Variants in ADAMTSL3 observed in about 807,000 individuals in gnomAD.
The protein encoded by ADAMTSL3 is ADAMTS-like protein 3.
Under a neutral mutation model 201.7 loss-of-function variants are expected in ADAMTSL3, and 128 were observed. The observed-to-expected ratio is 0.63, with a 90% CI of 0.55 to 0.73. ADAMTSL3 has a LOEUF of 0.73. Among genes scored for constraint, ADAMTSL3 ranks in the 30% least tolerant of loss-of-function variants. The pLI, the probability that ADAMTSL3 is intolerant of heterozygous loss-of-function variation, is 0.00. For missense variants in ADAMTSL3, 1,990 were observed against 2,119.6 expected (o/e 0.94, Z 1.20); for synonymous variants, 738 against 748.4 (o/e 0.99, Z 0.23).
chr15:83,868,801 C>T (rs973992101), intron 8 of ADAMTSL3, among the ~76,000 whole-genome samples: 2 of 152,076 alleles, frequency 1.3e-5, no homozygotes, highest in African/African-American at 4.8e-5. Context: ...TTTTTATATC[C>T]ATGTCACTGA....
At chr15:83,675,884 GT>G (rs1181842476) in intron 2 of ADAMTSL3, among the ~76,000 whole-genome samples, 1 of 151,956 alleles carries the variant, frequency 6.6e-6, no homozygotes, top group Non-Finnish European at 1.5e-5. Context: ...GTGTAGAATT[GT>G]TTGTTGCATT....
At chr15:83,706,098 C>T (rs1390164624) in intron 3 of ADAMTSL3, among the ~76,000 whole-genome samples, 1 of 152,088 alleles carries the variant, frequency 6.6e-6, no homozygotes, top group Admixed American at 6.5e-5. Context: ...TAATTTATAG[C>T]TCCTTTTAAT....
chr15:83,757,234 G>A (rs949781965), intron 3 of ADAMTSL3, among the ~76,000 whole-genome samples: 1 of 152,202 alleles, frequency 6.6e-6, no homozygotes, highest in Non-Finnish European at 1.5e-5. Flanking sequence ...ATGAGGGCTT[G>A]CCCCTGCTGC....
At position 83,714,663 on chromosome 15, in the gene ADAMTSL3, TCCTC is replaced by T. The variant is rs552621265; in HGVS notation, c.189+10175_189+10178del. Among the ~76,000 whole-genome samples, 840 of 148,318 alleles carry T rather than the reference TCCTC, an allele frequency of 5.7e-3. 6 individuals carry two copies. Among genetic ancestry groups the T allele is most frequent in the Middle Eastern group, 0.01 (3 of 286 alleles). ...CTTTCCTTTCTTTCTCTCTCTCCCT[TCCTC>T]CCTCCCTCCCTCCCTCCCTTCCTCC... On this transcript the variant is annotated intron_variant, in intron 3 of 29. Coordinates refer to ENST00000286744, the MANE Select transcript of ADAMTSL3 (RefSeq NM_207517.3).
chr15:83,774,970 C>T (rs796442188), intron 4 of ADAMTSL3, among the ~76,000 whole-genome samples: 10 of 152,060 alleles, frequency 6.6e-5, no homozygotes, highest in African/African-American at 2.2e-4. Context: ...CCTCAGCCTC[C>T]CAAGTAGCTG....
chr15:83,741,570 G>A lies in ADAMTSL3; in HGVS notation c.190-31953G>A, dbSNP rs559387648. Among the ~76,000 whole-genome samples, 7 of 152,264 alleles carry A rather than the reference G, an allele frequency of 4.6e-5. No individual in the cohort carries two copies. In the South Asian group the frequency reaches 1.4e-3, roughly 32 times the overall value. The stretch of plus-strand genomic sequence containing the variant: ...AGACATGTGAAATTATAAGAAATAA[G>A]TGGTATTAAGACTGTAAAGGAGGAT... On this transcript the variant is annotated intron_variant, in intron 3 of 29. Coordinates refer to ENST00000286744, the MANE Select transcript of ADAMTSL3 (RefSeq NM_207517.3).
chr15:83,786,047 G>C (rs1339709007), intron 4 of ADAMTSL3, among the ~76,000 whole-genome samples: 3 of 152,012 alleles, frequency 2.0e-5, no homozygotes, highest in African/African-American at 7.2e-5. Context: ...TCACCATGTT[G>C]GCCAGGTTGG....
At chr15:83,792,791 C>CAAAA (rs71156100) in intron 4 of ADAMTSL3, among the ~76,000 whole-genome samples, 1 of 122,442 alleles carries the variant, frequency 8.2e-6, no homozygotes. Flanking sequence ...GACTCTGTCT[C>CAAAA]AAAAAAAAAA....
intron 3 of ADAMTSL3, among the ~76,000 whole-genome samples, chr15:83,714,026 T>C (rs2061966752): frequency 6.6e-6 from 1 of 152,198 alleles, no homozygotes; most frequent in African/African-American, 2.4e-5. Context: ...GGCACTGACA[T>C]ATGGATACCT....
chr15:83,696,570 A>G (rs1244229176), intron 2 of ADAMTSL3, among the ~76,000 whole-genome samples: 2 of 152,220 alleles, frequency 1.3e-5, no homozygotes, highest in African/African-American at 4.8e-5. Flanking sequence ...TCCATCTAGC[A>G]TCTTACCTTC....
At chr15:83,887,427 A>T (rs2065417682) in intron 10 of ADAMTSL3, among the ~76,000 whole-genome samples, 1 of 152,232 alleles carries the variant, frequency 6.6e-6, no homozygotes, top group South Asian at 2.1e-4. Flanking sequence ...AGTGAAAACA[A>T]ACCAGTGGAG....
chr15:83,779,816 G>A (rs539470741), intron 4 of ADAMTSL3, among the ~76,000 whole-genome samples: 1 of 151,932 alleles, frequency 6.6e-6, no homozygotes, highest in Admixed American at 6.6e-5. Flanking sequence ...TGAATAACTT[G>A]CTTCTGAATG....
chr15:83,885,354 C>CA (rs2065366139), intron 10 of ADAMTSL3, 142 bp downstream of exon 10: 6 of 667,844 alleles, frequency 9.0e-6, no homozygotes, highest in South Asian at 1.8e-5. Flanking sequence ...AGCCTGAATG[C>CA]AATCGTGTTA....
At chr15:83,787,784 C>G (rs2063288049) in intron 4 of ADAMTSL3, among the ~76,000 whole-genome samples, 1 of 152,072 alleles carries the variant, frequency 6.6e-6, no homozygotes, top group Non-Finnish European at 1.5e-5. Flanking sequence ...AACAATTTTT[C>G]ACACCTCCTG....
At chr15:83,847,642 C>T (rs755255591) in intron 7 of ADAMTSL3, among the ~76,000 whole-genome samples, 7 of 151,946 alleles carry the variant, frequency 4.6e-5, no homozygotes, top group Non-Finnish European at 1.0e-4. Context: ...ATTACAGTCA[C>T]GTGCCACCAT....
At chr15:84,006,426 C>A (rs1052871110) in intron 23 of ADAMTSL3, among the ~76,000 whole-genome samples, 7 of 152,160 alleles carry the variant, frequency 4.6e-5, no homozygotes, top group Admixed American at 1.3e-4. Context: ...GCAGTCTGAA[C>A]AGGCCAGGGA....
At chr15:83,955,456 C>T (rs1044339264) in intron 19 of ADAMTSL3, among the ~76,000 whole-genome samples, 9 of 152,004 alleles carry the variant, frequency 5.9e-5, no homozygotes, top group African/African-American at 1.5e-4. Context: ...AAATGCTGTC[C>T]GAAAGCCTAG....
intron 4 of ADAMTSL3, among the ~76,000 whole-genome samples, chr15:83,782,147 A>G (rs532882836): frequency 1.2e-3 from 178 of 152,310 alleles, no homozygotes; most frequent in African/African-American, 4.1e-3. Flanking sequence ...ACTATTCACA[A>G]TAGCAAAGAC....
chr15:83,827,944 G>C (rs925687804), intron 6 of ADAMTSL3, among the ~76,000 whole-genome samples: 1 of 152,162 alleles, frequency 6.6e-6, no homozygotes, highest in African/African-American at 2.4e-5. Flanking sequence ...TTTGAAGTCA[G>C]GTAACGTGAT....
Sources: gnomAD v4.1 joint callset for allele counts (sites outside exome capture counted in the v4.1 genomes callset) on GRCh38, gnomAD v4.1.1 for gene constraint, MANE v1.5 for transcripts, NCBI Gene and HGNC (gene_info 2026-07-23, HGNC 2026-07-21) for gene names.